SAP130: variants seen among roughly 807,000 people sequenced by gnomAD.
The protein encoded by SAP130 is histone deacetylase complex subunit SAP130.
SAP130 carries 16 observed loss-of-function variants against 103.2 expected under a neutral mutation model. The observed-to-expected ratio is 0.16, with a 90% CI of 0.10 to 0.24. The LOEUF is 0.24. Ranked by LOEUF, SAP130 falls within the 10% of genes least tolerant of loss-of-function variation. SAP130 has a pLI of 1.00. For synonymous variants in SAP130, 477 were observed against 497.0 expected, an observed-to-expected ratio of 0.96 and a Z score of 0.53; for missense variants, 990 against 1,359.7, an observed-to-expected ratio of 0.73 and a Z score of 4.28.
Position 127,993,409 on chromosome 2 carries a change from A to G in SAP130, c.1356-101T>C, listed in dbSNP as rs891104678. 4.7e-5 allele frequency: 61 copies of G among 1,290,718 alleles called. No homozygotes were observed. In the East Asian group the frequency reaches 1.5e-3, roughly 32 times the overall value. The allele number at this position is 1,290,718 out of a possible 1,614,324, so 80.0% of individuals were successfully genotyped here. A position where few individuals can be genotyped will look rare whatever the true frequency, so the allele number is the denominator to read the frequency against. Reference sequence around the variant, plus strand: ...CCTCTTTGTGTCCTTCAGAACTGTCAAACAAGCTTTGCTCAAATTGTGTCC... The same window carrying G: ...CCTCTTTGTGTCCTTCAGAACTGTCGAACAAGCTTTGCTCAAATTGTGTCC... On this transcript the variant is annotated intron_variant, in intron 11 of 20. Coordinates refer to ENST00000643581, the MANE Select transcript of SAP130 (RefSeq NM_001330301.2).
rs955520547 is a variant in SAP130, at chr2:127,953,030, C to A, written c.2422+1956G>T. Reference sequence around the variant, plus strand: ...CTTCATTTTCTATTCCAAAAGCCAGCCTCATAGATCCAACTATTTATTTGA... The same window carrying A: ...CTTCATTTTCTATTCCAAAAGCCAGACTCATAGATCCAACTATTTATTTGA... On this transcript the variant is annotated intron_variant, in intron 16 of 20. Coordinates refer to ENST00000643581, the MANE Select transcript of SAP130 (RefSeq NM_001330301.2). This position sits in a 1 kb window ranked among gnomAD's most constrained non-coding sequence, Gnocchi z 4.0. Among the ~76,000 whole-genome samples, 1 of 152,192 alleles carries A rather than the reference C, an allele frequency of 6.6e-6. No individual in the cohort carries two copies. The highest frequency in any genetic ancestry group is 1.5e-5 in the Non-Finnish European group (1 of 68,032).
At chr2:127,948,160 A>G (rs966550613) in intron 18 of SAP130, among the ~76,000 whole-genome samples, 9 of 152,090 alleles carry the variant, frequency 5.9e-5, no homozygotes, top group Non-Finnish European at 7.4e-5. Context: ...TTTCTTGTAC[A>G]CAGCACATAG....
chr2:128,002,404 C>G (rs1328761633), intron 7 of SAP130, among the ~76,000 whole-genome samples: 5 of 152,058 alleles, frequency 3.3e-5, no homozygotes, highest in African/African-American at 1.2e-4. Context: ...TGGTACGTGC[C>G]TGTAGTCCCA....
intron 18 of SAP130, among the ~76,000 whole-genome samples, chr2:127,948,478 T>C (rs1283722778): frequency 6.6e-6 from 1 of 151,864 alleles, no homozygotes; most frequent in East Asian, 1.9e-4. Flanking sequence ...TAGCTGGGAT[T>C]ACAGGCACCC....
At position 127,986,974 on chromosome 2, in the gene SAP130, A is replaced by G. The variant is rs370863669; in HGVS notation, c.1781-12T>C. The G allele has an allele frequency of 5.6e-6, 9 of 1,603,644 alleles. No individual in the cohort carries two copies. The African/African-American group carries it at 9.4e-5, about 17-fold the overall frequency. On this transcript the variant is annotated splice_polypyrimidine_tract_variant and intron_variant, in intron 13 of 20. Coordinates refer to ENST00000643581, the MANE Select transcript of SAP130 (RefSeq NM_001330301.2). This position sits in a 1 kb window ranked among gnomAD's most constrained non-coding sequence, Gnocchi z 4.7. ...TGCCAACACCACTGCTACAGGAGAGAGGCAACAGGAAAGAACATTGAAGAG... is the reference window on the plus strand; with the variant it reads ...TGCCAACACCACTGCTACAGGAGAGGGGCAACAGGAAAGAACATTGAAGAG...
chr2:128,015,294 C>T (rs916352697), intron 4 of SAP130, among the ~76,000 whole-genome samples: 2 of 152,144 alleles, frequency 1.3e-5, no homozygotes, highest in African/African-American at 4.8e-5. Flanking sequence ...TCCATCCATT[C>T]TTTAAGCTTT....
Position 127,963,708 on chromosome 2 carries a change from C to T in SAP130, c.2064-8364G>A, listed in dbSNP as rs543166639. ...ATCACGGGGGCGGGTCTTTCTTGTG[C>T]TGTTCTCGTGATAGTAACTAAGTCT... On this transcript the variant is annotated intron_variant, in intron 15 of 20. Coordinates refer to ENST00000643581, the MANE Select transcript of SAP130 (RefSeq NM_001330301.2). 2.1e-3 allele frequency among the ~76,000 whole-genome samples: 326 copies of T among 152,214 alleles called. 1 individual carries two copies. Among genetic ancestry groups the T allele is most frequent in the Non-Finnish European group, 3.0e-3 (207 of 68,016 alleles).
intron 10 of SAP130, 124 bp downstream of exon 10, chr2:127,999,617 A>G (rs1234776705): frequency 1.9e-5 from 4 of 214,432 alleles, no homozygotes; most frequent in Non-Finnish European, 3.5e-5. Context: ...AAAAGAAAAG[A>G]AAAAAAAAAA....
chr2:128,006,870 CT>C (rs1231854857), intron 7 of SAP130, among the ~76,000 whole-genome samples: 15 of 152,156 alleles, frequency 9.9e-5, no homozygotes, highest in African/African-American at 3.6e-4. Flanking sequence ...GGAAATTGGT[CT>C]GTTGAAGAAG....
intron 5 of SAP130, 99 bp downstream of exon 5, chr2:128,014,704 T>C (rs1435250939): frequency 3.4e-6 from 3 of 872,472 alleles, no homozygotes; most frequent in Non-Finnish European, 3.7e-6. Context: ...TCTGCAACTT[T>C]AACAAGCTGA....
chr2:127,974,649 A>G (rs1181854552), intron 15 of SAP130, among the ~76,000 whole-genome samples: 1 of 152,108 alleles, frequency 6.6e-6, no homozygotes, highest in East Asian at 1.9e-4. Context: ...CCCTGTCTCT[A>G]CTAAAAATAC....
At chr2:128,021,153 GAA>G (rs746958237) in intron 2 of SAP130, among the ~76,000 whole-genome samples, 65 of 151,922 alleles carry the variant, frequency 4.3e-4, no homozygotes, top group Admixed American at 2.9e-3. Context: ...AGTGCTGGAT[GAA>G]AAGAGTGATG....
chr2:127,997,989 CT>C, intron 10 of SAP130, among the ~76,000 whole-genome samples: 1 of 151,984 alleles, frequency 6.6e-6, no homozygotes, highest in Non-Finnish European at 1.5e-5. Context: ...TGGTATGTGC[CT>C]GTGATCCCAG....
intron 16 of SAP130, 44 bp from the exon 17 acceptor site, chr2:127,950,452 A>G (rs1298817046): frequency 1.9e-5 from 31 of 1,606,018 alleles, no homozygotes; most frequent in Non-Finnish European, 2.6e-5. Flanking sequence ...GAACTCAAAG[A>G]TAACAGAAAG....
chr2:127,973,571 A>G (rs1242275383), intron 15 of SAP130, among the ~76,000 whole-genome samples: 1 of 152,180 alleles, frequency 6.6e-6, no homozygotes, highest in African/African-American at 2.4e-5. Context: ...TCTATTTGAC[A>G]TCTCCACTTG....
At position 127,989,015 on chromosome 2, in the gene SAP130, T is replaced by A. The variant is rs946582843; in HGVS notation, c.1780+549A>T. Among the ~76,000 whole-genome samples, 5 of 152,136 alleles carry A rather than the reference T, an allele frequency of 3.3e-5. No individual in the cohort carries two copies. The highest frequency in any genetic ancestry group is 5.9e-5 in the Non-Finnish European group (4 of 68,020). ...ATGAGAATACTACTTATAAGGTGAATTTTTTCCCACAACTAGGAGCTTTTA... is the reference window on the plus strand; with the variant it reads ...ATGAGAATACTACTTATAAGGTGAAATTTTTCCCACAACTAGGAGCTTTTA... On this transcript the variant is annotated intron_variant, in intron 13 of 20. Coordinates refer to ENST00000643581, the MANE Select transcript of SAP130 (RefSeq NM_001330301.2). This position sits in a 1 kb window ranked among gnomAD's most constrained non-coding sequence, Gnocchi z 4.6.
chr2:127,986,136 A>G lies in SAP130; in HGVS notation c.1958+649T>C, dbSNP rs1269353992. The stretch of plus-strand genomic sequence containing the variant: ...CCAAGGCAAGAACCCTGGGATACAG[A>G]AAGCTCTCTGTCCTTGCCATAAGGC... On this transcript the variant is annotated intron_variant, in intron 14 of 20. Transcript: ENST00000643581. This position sits in a 1 kb window ranked among gnomAD's most constrained non-coding sequence, Gnocchi z 4.7. 6.6e-6 allele frequency among the ~76,000 whole-genome samples: 1 copy of G among 152,250 alleles called. No individual in the cohort carries two copies. The highest frequency in any genetic ancestry group is 1.5e-5 in the Non-Finnish European group (1 of 68,046).
rs1226471343 is a variant in SAP130, at chr2:127,989,349, A to T, written c.1780+215T>A. On this transcript the variant is annotated intron_variant, in intron 13 of 20. Transcript: ENST00000643581. The surrounding 1 kb of genome is among the most constrained non-coding windows in gnomAD (Gnocchi z 4.6). ...CCTGACCTCGTGATCCACCCGCCTC[A>T]GCCTCCCAAAGTGCTGGGATTACAG... Among the ~76,000 whole-genome samples, 4 of 152,080 alleles carry T rather than the reference A, an allele frequency of 2.6e-5. No individual in the cohort carries two copies. The highest frequency in any genetic ancestry group is 6.5e-5 in the Admixed American group (1 of 15,274).
At position 127,996,392 on chromosome 2, in the gene SAP130, G is replaced by C. The variant is rs372594553; in HGVS notation, c.1313C>G (p.Ala438Gly). The change falls in exon 11 of 21, where the codon GCC becomes GGC. Residue 438 changes from alanine to glycine, a missense_variant. Around this residue, in one of 6 missense-constraint regions of SAP130, gnomAD observed 336 missense variants for 520.1 expected, o/e 0.65. Transcript: ENST00000643581. This position sits in a 1 kb window ranked among gnomAD's most constrained non-coding sequence, Gnocchi z 4.3. ...TTCCATGGCCACAGGATTGGGAGAG[G>C]CCCGATGTCCGGAGATGGGAATCAG... Reference protein sequence around the residue: ...SSLIPISGHRASPNPVAMETR... With the variant: ...SSLIPISGHRGSPNPVAMETR... The C allele has an allele frequency of 6.2e-7, 1 of 1,611,784 alleles. No homozygotes were observed. The highest frequency in any genetic ancestry group is 8.5e-7 in the Non-Finnish European group (1 of 1,179,032).
Sources: gnomAD v4.1 joint callset for allele counts (sites outside exome capture counted in the v4.1 genomes callset) on GRCh38, gnomAD v4.1.1 for gene constraint, gnomAD v4.1.1 regional missense constraint, Gnocchi (gnomAD v3.1) non-coding constraint, MANE v1.5 for transcripts, NCBI Gene and HGNC (gene_info 2026-07-23, HGNC 2026-07-21) for gene names.